The following GALNT14 variants were observed in gnomAD, a reference collection of about 807,000 sequenced individuals.
GALNT14 encodes the protein UDP-GalNAc:polypeptide N-acetylgalactosaminyltransferase 14.
GALNT14 carries 60 observed loss-of-function variants against 77.5 expected under a neutral mutation model. The ratio of observed to expected loss-of-function variants is 0.77; its 90% CI spans 0.63 to 0.96. GALNT14 has a LOEUF of 0.96. GALNT14 is among the 40% of genes least tolerant of loss of function. The pLI is 0.00. For missense variants in GALNT14, 710 were observed against 731.0 expected (o/e 0.97, Z 0.33); for synonymous variants, 280 against 281.7 (o/e 0.99, Z 0.06).
chr2:31,128,737 C>T lies in GALNT14; in HGVS notation c.129+9221G>A, dbSNP rs186043523. ...GGGGAGGGGGAAGGGCGGAGAGCCT[C>T]TCTCCACTTCTTGCACCACCGAGTC... is the stretch of plus-strand genomic sequence containing the variant. On this transcript the variant is annotated intron_variant, in intron 1 of 14. Coordinates refer to ENST00000349752, the MANE Select transcript of GALNT14 (RefSeq NM_024572.4). Among the ~76,000 whole-genome samples the T allele has an allele frequency of 8.5e-4, 130 of 152,162 alleles. 4 individuals carry two copies. In the Middle Eastern group the frequency reaches 0.01, roughly 12 times the overall value.
intron 2 of GALNT14, among the ~76,000 whole-genome samples, chr2:30,990,534 T>C (rs1669634460): frequency 6.6e-6 from 1 of 152,206 alleles, no homozygotes; most frequent in Non-Finnish European, 1.5e-5. Flanking sequence ...AAACAGGGCT[T>C]TGCTGGCAGT....
intron 2 of GALNT14, among the ~76,000 whole-genome samples, chr2:30,991,671 T>C (rs1047748021): frequency 6.6e-6 from 1 of 152,138 alleles, no homozygotes; most frequent in African/African-American, 2.4e-5. Context: ...CCTTGCTATA[T>C]TCATAGGGAA....
intron 1 of GALNT14, among the ~76,000 whole-genome samples, chr2:31,027,590 T>C (rs1420589299): frequency 6.6e-6 from 1 of 152,142 alleles, no homozygotes; most frequent in East Asian, 1.9e-4. Context: ...CCTTGGCAAC[T>C]TTAGGAAGAA....
intron 13 of GALNT14, among the ~76,000 whole-genome samples, chr2:30,916,673 C>T (rs996490161): frequency 3.3e-5 from 5 of 152,108 alleles, no homozygotes; most frequent in Non-Finnish European, 7.4e-5. Flanking sequence ...TAGCAGATGC[C>T]AGTCTGGCCA....
chr2:30,955,688 A>C lies in GALNT14; in HGVS notation c.584T>G (p.Leu195Arg), dbSNP rs1667319266. 1 of 1,614,104 alleles carries C rather than the reference A, an allele frequency of 6.2e-7. No homozygotes were observed. The highest frequency in any genetic ancestry group is 8.5e-7 in the Non-Finnish European group (1 of 1,180,042). Residue 195 changes from leucine (L) to arginine (R), a missense_variant, in exon 6 of 15, where the codon CTG becomes CGG. Physicochemically the swap from Leu to Arg is moderately radical, Grantham distance 102 (BLOSUM62 -2). Coordinates refer to ENST00000349752, the MANE Select transcript of GALNT14 (RefSeq NM_024572.4). ...RGADIAQGTTLTFLDSHCEVN... is the reference protein window; with the variant it reads ...RGADIAQGTTRTFLDSHCEVN... ...CTCACAGTGGCTGTCGAGGAAAGTC[A>C]GAGTGGTGCCCTGGGCGATGTCAGC...
intron 1 of GALNT14, among the ~76,000 whole-genome samples, chr2:31,041,085 T>C (rs1237853714): frequency 6.6e-6 from 1 of 152,118 alleles, no homozygotes; most frequent in African/African-American, 2.4e-5. Flanking sequence ...TCACAAAGCT[T>C]ACAATTCAGT....
intron 1 of GALNT14, among the ~76,000 whole-genome samples, chr2:31,078,381 C>T (rs1457257367): frequency 6.6e-6 from 1 of 152,170 alleles, no homozygotes; most frequent in Non-Finnish European, 1.5e-5. Flanking sequence ...CCCCCGACCC[C>T]CTCTTAATGG....
At chr2:30,896,662 G>A in the GALNT14 span, among the ~76,000 whole-genome samples, 1 of 152,078 alleles carries the variant, frequency 6.6e-6, no homozygotes, top group Non-Finnish European at 1.5e-5. Context: ...TGTGTGTTTT[G>A]CAATTAAGAA....
At chr2:30,962,628 C>T (rs1449938750) in intron 3 of GALNT14, among the ~76,000 whole-genome samples, 2 of 152,210 alleles carry the variant, frequency 1.3e-5, no homozygotes, top group Non-Finnish European at 2.9e-5. Flanking sequence ...TCATGCTTCT[C>T]TACACCCACC....
intron 13 of GALNT14, among the ~76,000 whole-genome samples, chr2:30,917,995 C>G (rs1425018316): frequency 3.9e-5 from 6 of 152,176 alleles, no homozygotes; most frequent in African/African-American, 1.4e-4. Flanking sequence ...AGTGATTGTA[C>G]CAACTGTGAC....
At chr2:30,928,209 T>C (rs1395144951) in intron 11 of GALNT14, among the ~76,000 whole-genome samples, 2 of 152,174 alleles carry the variant, frequency 1.3e-5, no homozygotes, top group Non-Finnish European at 2.9e-5. Context: ...GGTTCTGATT[T>C]AATCCTCCCA....
intron 1 of GALNT14, among the ~76,000 whole-genome samples, chr2:30,994,002 G>A (rs569588811): frequency 8.5e-5 from 13 of 152,334 alleles, no homozygotes; most frequent in Middle Eastern, 6.8e-3. Context: ...CTTAAATTTG[G>A]TGGTCACTTC....
At chr2:31,032,855 C>T (rs536401332) in intron 1 of GALNT14, among the ~76,000 whole-genome samples, 1 of 152,270 alleles carries the variant, frequency 6.6e-6, no homozygotes, top group South Asian at 2.1e-4. Context: ...TTGCTCAATG[C>T]TGGAGAAACA....
chr2:30,992,236 C>T (rs1669747779), intron 2 of GALNT14, among the ~76,000 whole-genome samples: 2 of 152,172 alleles, frequency 1.3e-5, no homozygotes, highest in African/African-American at 2.4e-5. Context: ...AAACTTTCTA[C>T]GTAGCTCCAG....
At chr2:31,121,808 G>T (rs557274854) in intron 1 of GALNT14, among the ~76,000 whole-genome samples, 1 of 152,056 alleles carries the variant, frequency 6.6e-6, no homozygotes, top group Non-Finnish European at 1.5e-5. Context: ...AGGATAATGG[G>T]ATATTTGTTT....
chr2:30,904,128 C>G, the GALNT14 span, among the ~76,000 whole-genome samples: 1 of 152,188 alleles, frequency 6.6e-6, no homozygotes, highest in Admixed American at 6.5e-5. Flanking sequence ...CCACAGGGAG[C>G]CTACAGCCTC....
intron 1 of GALNT14, among the ~76,000 whole-genome samples, chr2:31,131,417 G>A (rs1362142300): frequency 6.6e-6 from 1 of 152,168 alleles, no homozygotes; most frequent in Non-Finnish European, 1.5e-5. Context: ...TCTCTGGGGT[G>A]GAATATTCAA....
intron 1 of GALNT14, chr2:31,126,640 A>T (rs1171679477): frequency 6.6e-6 from 1 of 152,180 alleles, no homozygotes; most frequent in Non-Finnish European, 1.5e-5. Context: ...CCAGTAGCTC[A>T]CTCACATCAC....
chr2:31,107,020 C>T (rs1248180352), intron 1 of GALNT14, among the ~76,000 whole-genome samples: 1 of 152,186 alleles, frequency 6.6e-6, no homozygotes, highest in Non-Finnish European at 1.5e-5. Context: ...ATAGTGGTTA[C>T]ACAAAAGTTT....
Sources: allele counts gnomAD v4.1 joint callset (sites outside exome capture counted in the v4.1 genomes callset), GRCh38; gene constraint gnomAD v4.1.1; transcripts MANE v1.5; gene names NCBI Gene and HGNC (gene_info 2026-07-23, HGNC 2026-07-21).